The following RAB11FIP4 variants were observed in gnomAD, a reference collection of about 807,000 sequenced individuals.
The protein encoded by RAB11FIP4 is RAB11 family interacting protein 4, also known as rab11 family-interacting protein 4.
RAB11FIP4 carries 23 observed loss-of-function variants against 74.3 expected under a neutral mutation model. That is an observed-to-expected ratio of 0.31 (90% CI 0.22 to 0.44). The LOEUF is 0.44. Among genes scored for constraint, RAB11FIP4 ranks in the 20% least tolerant of loss-of-function variants. The probability of loss-of-function intolerance (pLI) is 1.00; values close to 1 mark genes in which losing one functional copy is unlikely to be tolerated. For missense variants in RAB11FIP4, 630 were observed against 863.9 expected (o/e 0.73, Z 3.39); for synonymous variants, 360 against 359.9 (o/e 1.00, Z 0.00).
At chr17:31,492,129 CGT>C (rs1567674642) in intron 3 of RAB11FIP4, among the ~76,000 whole-genome samples, 6 of 152,298 alleles carry the variant, frequency 3.9e-5, no homozygotes, top group South Asian at 4.1e-4. Flanking sequence ...CCGTGTTTTC[CGT>C]ACTCTGGCCT....
At position 31,444,360 on chromosome 17, in the gene RAB11FIP4, C is replaced by G. The variant is rs566800014; in HGVS notation, c.336+10238C>G. Among the ~76,000 whole-genome samples, 4 of 150,676 alleles carry G rather than the reference C, an allele frequency of 2.7e-5. No individual in the cohort carries two copies. The East Asian group carries it at 7.7e-4, about 29-fold the overall frequency. On this transcript the variant is annotated intron_variant, in intron 3 of 14. Coordinates refer to ENST00000621161, the MANE Select transcript of RAB11FIP4 (RefSeq NM_032932.6). Reference sequence around the variant, plus strand: ...TTCTATGTTTCAACACCCCCCCCACCCTTCTAAAGAGAAAAAAAAATCTAC... The same window carrying G: ...TTCTATGTTTCAACACCCCCCCCACGCTTCTAAAGAGAAAAAAAAATCTAC...
At chr17:31,474,207 G>A (rs1358548443) in intron 3 of RAB11FIP4, among the ~76,000 whole-genome samples, 1 of 152,164 alleles carries the variant, frequency 6.6e-6, no homozygotes, top group Non-Finnish European at 1.5e-5. Flanking sequence ...TTAGTTCGGA[G>A]CTCCAGGAAG....
chr17:31,461,292 C>T (rs575288492), intron 3 of RAB11FIP4, among the ~76,000 whole-genome samples: 1 of 152,278 alleles, frequency 6.6e-6, no homozygotes, highest in African/African-American at 2.4e-5. Context: ...GTCCACATCT[C>T]CATCCACCCT....
chr17:31,457,194 G>T (rs2071586992), intron 3 of RAB11FIP4, among the ~76,000 whole-genome samples: 1 of 152,124 alleles, frequency 6.6e-6, no homozygotes. Flanking sequence ...TGGGAATTTG[G>T]AGGGCCTTCC....
At chr17:31,426,438 C>T (rs919208738) in intron 1 of RAB11FIP4, among the ~76,000 whole-genome samples, 8 of 152,134 alleles carry the variant, frequency 5.3e-5, no homozygotes, top group South Asian at 2.1e-4. Context: ...TGTGTGAACC[C>T]TCCGTGGACT....
intron 1 of RAB11FIP4, among the ~76,000 whole-genome samples, chr17:31,414,489 CCAAA>C (rs1382434195): frequency 6.6e-6 from 1 of 152,210 alleles, no homozygotes; most frequent in African/African-American, 2.4e-5. Flanking sequence ...TATTCAGACC[CCAAA>C]CAAAGCCCTT....
chr17:31,510,362 C>T (rs1000567422), intron 3 of RAB11FIP4, among the ~76,000 whole-genome samples: 4 of 152,238 alleles, frequency 2.6e-5, no homozygotes, highest in East Asian at 3.8e-4. Flanking sequence ...CCACCCCCAC[C>T]GCACACATGC....
At chr17:31,450,593 C>T (rs924670641) in intron 3 of RAB11FIP4, among the ~76,000 whole-genome samples, 15 of 151,956 alleles carry the variant, frequency 9.9e-5, no homozygotes, top group African/African-American at 3.6e-4. Context: ...GATCTGTCCA[C>T]CTCAGCCTTG....
intron 4 of RAB11FIP4, among the ~76,000 whole-genome samples, chr17:31,519,549 G>A (rs1469485843): frequency 6.6e-6 from 1 of 152,176 alleles, no homozygotes; most frequent in Non-Finnish European, 1.5e-5. Context: ...CACCATTGTG[G>A]CTGAGGAAGC....
intron 1 of RAB11FIP4, among the ~76,000 whole-genome samples, chr17:31,394,947 G>T (rs1435428996): frequency 3.7e-5 from 5 of 136,294 alleles, no homozygotes; most frequent in South Asian, 2.8e-4. Flanking sequence ...GCGGGGGGGG[G>T]GGGCTCCCTT....
rs1055504183 is a variant in RAB11FIP4, at chr17:31,538,181, C to G, written c.*6449C>G. On this transcript the variant is annotated 3_prime_UTR_variant, in exon 15 of 15. Coordinates refer to ENST00000621161, the MANE Select transcript of RAB11FIP4 (RefSeq NM_032932.6). ...CTCCCGGGGAGCTGTACTGTACAGA[C>G]CAAGGTGTAAATAAACAGTTTGCTC... 2 of 152,242 alleles carry G rather than the reference C, an allele frequency of 1.3e-5. No individual in the cohort carries two copies. The highest frequency in any genetic ancestry group is 2.9e-5 in the Non-Finnish European group (2 of 68,078). The allele number at this position is 152,242 out of a possible 1,614,324, so 9.4% of individuals were successfully genotyped here.
At chr17:31,489,425 C>T (rs1188333858) in intron 3 of RAB11FIP4, among the ~76,000 whole-genome samples, 1 of 151,998 alleles carries the variant, frequency 6.6e-6, no homozygotes, top group Non-Finnish European at 1.5e-5. Context: ...GCTCTCACTC[C>T]CCCCCATATC....
intron 1 of RAB11FIP4, among the ~76,000 whole-genome samples, chr17:31,404,445 A>T (rs1028110435): frequency 1.3e-5 from 2 of 152,254 alleles, no homozygotes; most frequent in Admixed American, 6.5e-5. Flanking sequence ...CCAGCTCTGC[A>T]ACTTACTTGC....
chr17:31,477,390 G>C (rs2071804048), intron 3 of RAB11FIP4, among the ~76,000 whole-genome samples: 1 of 152,228 alleles, frequency 6.6e-6, no homozygotes, highest in African/African-American at 2.4e-5. Context: ...AAGGAGCCTG[G>C]GCTTGGGGAG....
At chr17:31,501,183 G>T (rs529635157) in intron 3 of RAB11FIP4, among the ~76,000 whole-genome samples, 2 of 144,330 alleles carry the variant, frequency 1.4e-5, no homozygotes, top group East Asian at 3.9e-4. Context: ...GAGAATAAGA[G>T]AATACAACTT....
In RAB11FIP4 at chr17:31,516,517, C is replaced by G. The variant is rs7212428; in HGVS notation, c.337-1134C>G. Among the ~76,000 whole-genome samples, 770 of 152,278 alleles carry G rather than the reference C, an allele frequency of 5.1e-3. 11 individuals carry two copies. Among genetic ancestry groups the G allele is most frequent in the Admixed American group, 0.035 (530 of 15,304 alleles). ...CTCAGTCTTGCTCTGTCACCCAGGCCGAACTGCAGTGGCGCTATCTTGGCT... is the reference window on the plus strand; with the variant it reads ...CTCAGTCTTGCTCTGTCACCCAGGCGGAACTGCAGTGGCGCTATCTTGGCT... On this transcript the variant is annotated intron_variant, in intron 3 of 14. Transcript: ENST00000621161.
At chr17:31,408,794 AC>A (rs1331907526) in intron 1 of RAB11FIP4, among the ~76,000 whole-genome samples, 1 of 152,222 alleles carries the variant, frequency 6.6e-6, no homozygotes, top group Non-Finnish European at 1.5e-5. Flanking sequence ...GTCAAGGAGA[AC>A]AGCTGGGGCA....
intron 3 of RAB11FIP4, among the ~76,000 whole-genome samples, chr17:31,459,548 G>T (rs190783096): frequency 6.6e-6 from 1 of 151,964 alleles, no homozygotes; most frequent in Non-Finnish European, 1.5e-5. Flanking sequence ...ATAAATGAGC[G>T]CATGTCACTT....
chr17:31,491,444 T>G (rs114580983), intron 3 of RAB11FIP4, among the ~76,000 whole-genome samples: 25 of 152,258 alleles, frequency 1.6e-4, no homozygotes, highest in African/African-American at 5.8e-4. Context: ...GTATGGGAGT[T>G]GGCAGGAGGA....
Sources: gnomAD v4.1 joint callset for allele counts (sites outside exome capture counted in the v4.1 genomes callset) on GRCh38, gnomAD v4.1.1 for gene constraint, MANE v1.5 for transcripts, NCBI Gene and HGNC (gene_info 2026-07-23, HGNC 2026-07-21) for gene names.